The following NAA15 variants were observed in gnomAD, a reference collection of about 807,000 sequenced individuals.
The protein encoded by NAA15 is N-alpha-acetyltransferase 15, NatA auxiliary subunit.
Under a neutral mutation model 114.0 loss-of-function variants are expected in NAA15, and 34 were observed. The ratio of observed to expected loss-of-function variants is 0.30; its 90% CI spans 0.23 to 0.40. The LOEUF is 0.40. NAA15 is among the 10% of genes least tolerant of loss of function. NAA15 has a pLI of 1.00. For missense variants in NAA15, 658 were observed against 1,004.5 expected (o/e 0.66, Z 4.66); for synonymous variants, 340 against 338.0 (o/e 1.01, Z -0.06).
chr4:139,355,385 A>G (rs1747916810), intron 10 of NAA15, among the ~76,000 whole-genome samples: 1 of 150,904 alleles, frequency 6.6e-6, no homozygotes, highest in Non-Finnish European at 1.5e-5. Context: ...CCTGCAATTT[A>G]TTTGTTGAAG....
At chr4:139,330,629 A>G (rs1048435709) in intron 1 of NAA15, among the ~76,000 whole-genome samples, 3 of 152,294 alleles carry the variant, frequency 2.0e-5, no homozygotes, top group African/African-American at 7.2e-5. Context: ...AATCAACTCT[A>G]TCTTCAGGAT....
intron 4 of NAA15, among the ~76,000 whole-genome samples, chr4:139,341,616 A>G (rs201550446): frequency 0.01 from 1,513 of 150,408 alleles, 13 homozygotes; most frequent in East Asian, 0.025. Flanking sequence ...AAAAAAAAAA[A>G]AAAGAAAATC....
rs558679957 is a variant in NAA15, at chr4:139,321,628, C to T, written c.55-12546C>T. Among the ~76,000 whole-genome samples the T allele has an allele frequency of 7.2e-4, 107 of 149,632 alleles. No individual in the cohort carries two copies. The East Asian group carries it at 0.019, about 27-fold the overall frequency. On this transcript the variant is annotated intron_variant, in intron 1 of 19. Transcript: ENST00000296543. ...CTGGGACTACAGGCACCCGCCACCA[C>T]GCCTGGCTAATTTTTTTTTTTTTTT...
chr4:139,348,861 G>C (rs1313199384), intron 6 of NAA15, among the ~76,000 whole-genome samples: 1 of 152,198 alleles, frequency 6.6e-6, no homozygotes, highest in African/African-American at 2.4e-5. Flanking sequence ...TGCAGTCCAG[G>C]GAAGGCAACA....
At chr4:139,316,210 G>A (rs1560953727) in intron 1 of NAA15, among the ~76,000 whole-genome samples, 1 of 151,720 alleles carries the variant, frequency 6.6e-6, no homozygotes, top group Non-Finnish European at 1.5e-5. Context: ...ATTTTTACAT[G>A]TTTAAATTGT....
intron 14 of NAA15, among the ~76,000 whole-genome samples, chr4:139,363,466 T>G (rs1424659165): frequency 6.6e-6 from 1 of 152,176 alleles, no homozygotes; most frequent in East Asian, 1.9e-4. Context: ...TGATTTGTTT[T>G]TCTTTAGTCC....
chr4:139,327,366 CA>C (rs1157483057), intron 1 of NAA15, among the ~76,000 whole-genome samples: 1 of 152,304 alleles, frequency 6.6e-6, no homozygotes, highest in African/African-American at 2.4e-5. Context: ...TCTCATGCCT[CA>C]GCCTCCCAAG....
intron 9 of NAA15, among the ~76,000 whole-genome samples, 164 bp from the exon 10 acceptor site, chr4:139,353,862 A>G (rs994557358): frequency 1.3e-5 from 2 of 152,234 alleles, no homozygotes; most frequent in Non-Finnish European, 2.9e-5. Context: ...CAAAAGTATG[A>G]TGTATTTTAA....
chr4:139,364,761 A>G (rs1483788182), intron 14 of NAA15, among the ~76,000 whole-genome samples: 3 of 152,194 alleles, frequency 2.0e-5, no homozygotes, highest in Non-Finnish European at 4.4e-5. Context: ...ATTTTTGCTT[A>G]TGCATACACG....
intron 1 of NAA15, among the ~76,000 whole-genome samples, chr4:139,306,202 G>A (rs1348066354): frequency 2.0e-5 from 3 of 152,062 alleles, no homozygotes; most frequent in Admixed American, 1.3e-4. Context: ...AAAAAGGATG[G>A]GATGAATTTA....
At chr4:139,360,379 A>T in intron 12 of NAA15, 121 bp from the exon 13 acceptor site, 1 of 748,346 alleles carries the variant, frequency 1.3e-6, no homozygotes, top group Non-Finnish European at 2.0e-6. Context: ...TTCTTTAAGA[A>T]TGTTTTAAAA....
At chr4:139,378,702 A>G (rs1748658296) in intron 16 of NAA15, 54 bp from the exon 17 acceptor site, 15 of 1,134,728 alleles carry the variant, frequency 1.3e-5, no homozygotes, top group Admixed American at 2.5e-5. Context: ...TTGGCCCTCC[A>G]AAGGAGGCCT....
At chr4:139,316,735 T>C (rs1219970625) in intron 1 of NAA15, among the ~76,000 whole-genome samples, 6 of 151,904 alleles carry the variant, frequency 3.9e-5, no homozygotes, top group Admixed American at 6.6e-5. Context: ...TCTTATTTTG[T>C]CTTATTTTGG....
chr4:139,357,574 A>C lies in NAA15; in HGVS notation c.1257+19A>C. 1 of 1,493,688 alleles carries C rather than the reference A, an allele frequency of 6.7e-7. No individual in the cohort carries two copies. The highest frequency in any genetic ancestry group is 9.2e-7 in the Non-Finnish European group (1 of 1,090,232). 92.5% of individuals were successfully genotyped at this position (1,493,688 alleles called of 1,614,324 possible). ...CTATAAGGTAAAAATCTTTTTTTCTATTTTCTTATAAGGTAATGAGACTTG... is the reference window on the plus strand; with the variant it reads ...CTATAAGGTAAAAATCTTTTTTTCTCTTTTCTTATAAGGTAATGAGACTTG... On this transcript the variant is annotated intron_variant, in intron 11 of 19. Coordinates refer to ENST00000296543, the MANE Select transcript of NAA15 (RefSeq NM_057175.5).
At position 139,390,453 on chromosome 4, in the gene NAA15, TCAA is replaced by T; in HGVS notation, c.*2370_*2372del. 2 of 152,744 alleles carry T rather than the reference TCAA, an allele frequency of 1.3e-5. No individual in the cohort carries two copies. The highest frequency in any genetic ancestry group is 4.1e-4 in the South Asian group (2 of 4,832). The allele number at this position is 152,744 out of a possible 1,614,324, so 9.5% of individuals were successfully genotyped here. On this transcript the variant is annotated 3_prime_UTR_variant, in exon 20 of 20. Transcript: ENST00000296543. ...ATTTGCCTCATTCATCCTATTAATTTCAAATGATACTGTGGGGGAAAAACAGGG... is the reference window on the plus strand; with the variant it reads ...ATTTGCCTCATTCATCCTATTAATTTATGATACTGTGGGGGAAAAACAGGG...
chr4:139,354,082 G>T lies in NAA15; in HGVS notation c.1071G>T (p.Arg357=). ...ATGAAACCTCTCTAAAAAGCTGCCGGTTATTTAACCCCAATGGTAAGTCCT... is the reference window on the plus strand; with the variant it reads ...ATGAAACCTCTCTAAAAAGCTGCCGTTTATTTAACCCCAATGGTAAGTCCT... ...VGYETSLKSC[R]LFNPNDDGKE... is the part of the protein sequence containing the mutation. The change falls in exon 10 of 20, where the codon CGG becomes CGT. Residue 357 remains arginine, a synonymous_variant. Transcript: ENST00000296543. The T allele has an allele frequency of 6.2e-7, 1 of 1,613,330 alleles. No homozygotes were observed.
Position 139,389,222 on chromosome 4 carries a change from AAC to A in NAA15, c.*1140_*1141del. On this transcript the variant is annotated 3_prime_UTR_variant, in exon 20 of 20. Coordinates refer to ENST00000296543, the MANE Select transcript of NAA15 (RefSeq NM_057175.5). ...TTTTTTTTTTTTTTTTTTTTCAAAT[AAC>A]AGACCAGCTTCTTTTTCTTGCAGTT... is the stretch of plus-strand genomic sequence containing the variant. 1 of 143,108 alleles carries A rather than the reference AAC, an allele frequency of 7.0e-6. No homozygotes were observed. The allele number at this position is 143,108 out of a possible 1,614,324, so 8.9% of individuals were successfully genotyped here.
At chr4:139,385,754 A>G (rs1013209054) in intron 18 of NAA15, among the ~76,000 whole-genome samples, 5 of 152,172 alleles carry the variant, frequency 3.3e-5, no homozygotes, top group African/African-American at 1.2e-4. Context: ...TTGAGATAGG[A>G]TAGTCCCCCA....
At chr4:139,319,355 C>G (rs1221521599) in intron 1 of NAA15, among the ~76,000 whole-genome samples, 1 of 151,868 alleles carries the variant, frequency 6.6e-6, no homozygotes, top group African/African-American at 2.4e-5. Context: ...ATCCACCCAC[C>G]TTGGCCTCCC....
Sources: allele counts gnomAD v4.1 joint callset (sites outside exome capture counted in the v4.1 genomes callset), GRCh38; gene constraint gnomAD v4.1.1; transcripts MANE v1.5; gene names NCBI Gene and HGNC (gene_info 2026-07-23, HGNC 2026-07-21).